TRABD2B: variants seen among roughly 807,000 people sequenced by gnomAD.
TRABD2B encodes TraB domain containing 2B, also known as metalloprotease TIKI2.
In TRABD2B, 14 loss-of-function variants were observed where a neutral mutation model predicts 40.1. That is an observed-to-expected ratio of 0.35 (90% CI 0.23 to 0.55). The LOEUF (loss-of-function observed/expected upper bound fraction) is 0.55, where lower values mean the gene tolerates loss of function less well. Ranked by LOEUF, TRABD2B falls within the 20% of genes least tolerant of loss-of-function variation. TRABD2B has a pLI of 0.90. For missense variants in TRABD2B, 541 were observed against 648.6 expected (o/e 0.83, Z 1.80); for synonymous variants, 263 against 277.0 (o/e 0.95, Z 0.50).
At chr1:47,954,582 A>T (rs543712106) in intron 2 of TRABD2B, among the ~76,000 whole-genome samples, 116 of 152,308 alleles carry the variant, frequency 7.6e-4, no homozygotes, top group African/African-American at 2.8e-3. Context: ...AGAGTTTTCA[A>T]GGAGAGACAA....
chr1:47,788,995 T>C (rs1170167039), intron 4 of TRABD2B, among the ~76,000 whole-genome samples: 1 of 152,128 alleles, frequency 6.6e-6, no homozygotes, highest in African/African-American at 2.4e-5. Context: ...AAGGGTAAAA[T>C]TGTAATTTTC....
At position 47,762,953 on chromosome 1, in the gene TRABD2B, G is replaced by A. The variant is rs933375759; in HGVS notation, c.*2949C>T. The A allele has an allele frequency of 2.0e-5, 3 of 152,214 alleles. No homozygotes were observed. The highest frequency in any genetic ancestry group is 7.2e-5 in the African/African-American group (3 of 41,456). 9.4% of individuals were successfully genotyped at this position (152,214 alleles called of 1,614,324 possible). On this transcript the variant is annotated 3_prime_UTR_variant, in exon 7 of 7. Coordinates refer to ENST00000606738, the MANE Select transcript of TRABD2B (RefSeq NM_001194986.2). Reference sequence around the variant, plus strand: ...CCTTAAGCAGATCACTTTACCTGCTGGGTCTCAGACCTTTCATCTTTCCTG... The same window carrying A: ...CCTTAAGCAGATCACTTTACCTGCTAGGTCTCAGACCTTTCATCTTTCCTG...
intron 6 of TRABD2B, among the ~76,000 whole-genome samples, chr1:47,772,547 G>A (rs991258221): frequency 6.6e-6 from 1 of 152,124 alleles, no homozygotes; most frequent in Non-Finnish European, 1.5e-5. Flanking sequence ...AGGACGACAG[G>A]TGCAAGATGA....
At chr1:47,920,223 T>C (rs1443313751) in intron 2 of TRABD2B, among the ~76,000 whole-genome samples, 2 of 152,220 alleles carry the variant, frequency 1.3e-5, no homozygotes, top group African/African-American at 2.4e-5. Context: ...ATAATTATTC[T>C]TGTACAGTGA....
intron 2 of TRABD2B, among the ~76,000 whole-genome samples, chr1:47,885,499 T>A (rs1411172023): frequency 1.6e-4 from 24 of 152,212 alleles, no homozygotes; most frequent in Admixed American, 1.4e-3. Flanking sequence ...GTGGAGCATC[T>A]TCTGAATGAA....
chr1:47,977,469 C>T (rs1645773187), intron 2 of TRABD2B, among the ~76,000 whole-genome samples: 1 of 152,102 alleles, frequency 6.6e-6, no homozygotes, highest in Non-Finnish European at 1.5e-5. Flanking sequence ...ACTAGGCACG[C>T]TGTTCATTTT....
chr1:47,768,947 C>T (rs1262290450), intron 6 of TRABD2B, among the ~76,000 whole-genome samples: 1 of 152,202 alleles, frequency 6.6e-6, no homozygotes, highest in Admixed American at 6.5e-5. Flanking sequence ...CTGAGACAGG[C>T]CAAGGAGCCG....
chr1:47,794,768 G>A lies in TRABD2B; in HGVS notation c.814-8C>T, dbSNP rs1644723950. ...GTTGATAAAGTTGGGCAGCTGCAAAGGCAAGACAGAGGCTGCCTTCAGTTT... is the reference window on the plus strand; with the variant it reads ...GTTGATAAAGTTGGGCAGCTGCAAAAGCAAGACAGAGGCTGCCTTCAGTTT... On this transcript the variant is annotated splice_region_variant and splice_polypyrimidine_tract_variant and intron_variant, in intron 3 of 6. Coordinates refer to ENST00000606738, the MANE Select transcript of TRABD2B (RefSeq NM_001194986.2). 1 of 1,488,432 alleles carries A rather than the reference G, an allele frequency of 6.7e-7. No homozygotes were observed. The highest frequency in any genetic ancestry group is 2.4e-5 in the Admixed American group (1 of 41,332). 92.2% of individuals were successfully genotyped at this position (1,488,432 alleles called of 1,614,324 possible). A position where few individuals can be genotyped will look rare whatever the true frequency, so the allele number is the denominator to read the frequency against.
rs1454384202 is a variant in TRABD2B at position 47,764,616 on chromosome 1, A to G, written c.*1286T>C. 1 of 152,186 alleles carries G rather than the reference A, an allele frequency of 6.6e-6. No individual in the cohort carries two copies. The highest frequency in any genetic ancestry group is 1.5e-5 in the Non-Finnish European group (1 of 68,036). 9.4% of individuals were successfully genotyped at this position (152,186 alleles called of 1,614,324 possible). A position where few individuals can be genotyped will look rare whatever the true frequency, so the allele number is the denominator to read the frequency against. On this transcript the variant is annotated 3_prime_UTR_variant, in exon 7 of 7. Transcript: ENST00000606738. The stretch of plus-strand genomic sequence containing the variant: ...AGTCAGGACATGCGACACATGGCAC[A>G]TGCAGTTGCCAGAGCCCTTTGGCCA...
intron 2 of TRABD2B, among the ~76,000 whole-genome samples, chr1:47,808,982 G>T (rs1364321412): frequency 6.6e-6 from 1 of 152,100 alleles, no homozygotes; most frequent in Non-Finnish European, 1.5e-5. Flanking sequence ...CCTTGCTAAG[G>T]TAACCTCACC....
At chr1:47,984,641 C>T (rs925789241) in intron 2 of TRABD2B, among the ~76,000 whole-genome samples, 1 of 152,192 alleles carries the variant, frequency 6.6e-6, no homozygotes, top group South Asian at 2.1e-4. Context: ...ACTCGCGCCC[C>T]GTCCTCTAGC....
chr1:47,963,378 A>G (rs1645550676), intron 2 of TRABD2B, among the ~76,000 whole-genome samples: 1 of 152,316 alleles, frequency 6.6e-6, no homozygotes, highest in East Asian at 1.9e-4. Context: ...ATCAGAGCCC[A>G]TCCCTCTTGA....
intron 2 of TRABD2B, among the ~76,000 whole-genome samples, chr1:47,886,778 G>A (rs539038081): frequency 8.8e-4 from 134 of 152,314 alleles, no homozygotes; most frequent in African/African-American, 3.0e-3. Flanking sequence ...GGTCTAGGGG[G>A]AATTTTAACT....
At chr1:47,832,517 T>C (rs934910793) in intron 2 of TRABD2B, among the ~76,000 whole-genome samples, 23 of 152,182 alleles carry the variant, frequency 1.5e-4, no homozygotes, top group Non-Finnish European at 3.1e-4. Flanking sequence ...TGTTAGTGGA[T>C]AACTAATAGG....
intron 2 of TRABD2B, among the ~76,000 whole-genome samples, chr1:47,968,611 A>G (rs1398173698): frequency 6.6e-6 from 1 of 152,078 alleles, no homozygotes; most frequent in Non-Finnish European, 1.5e-5. Flanking sequence ...TCAACCACTC[A>G]CCATGTATGA....
chr1:47,851,051 G>C (rs1553158317), intron 2 of TRABD2B, among the ~76,000 whole-genome samples: 1 of 152,142 alleles, frequency 6.6e-6, no homozygotes, highest in Non-Finnish European at 1.5e-5. Flanking sequence ...ACCTCCTGCT[G>C]TGTGGCCTGG....
At chr1:47,906,235 G>A (rs776515058) in intron 2 of TRABD2B, among the ~76,000 whole-genome samples, 2 of 152,180 alleles carry the variant, frequency 1.3e-5, no homozygotes, top group Non-Finnish European at 2.9e-5. Context: ...ACAGGGCTTC[G>A]TGCTTTGAAT....
chr1:47,804,604 C>A (rs1331082185), intron 2 of TRABD2B, among the ~76,000 whole-genome samples: 1 of 152,204 alleles, frequency 6.6e-6, no homozygotes, highest in Non-Finnish European at 1.5e-5. Context: ...CACAGAGTTG[C>A]TTCTGCAATC....
chr1:47,815,523 C>G (rs966247470), intron 2 of TRABD2B, among the ~76,000 whole-genome samples: 1 of 152,192 alleles, frequency 6.6e-6, no homozygotes, highest in Admixed American at 6.5e-5. Flanking sequence ...CAGGGACCCA[C>G]CAGGTCAGAA....
Sources: gnomAD v4.1 joint callset for allele counts (sites outside exome capture counted in the v4.1 genomes callset) on GRCh38, gnomAD v4.1.1 for gene constraint, MANE v1.5 for transcripts, NCBI Gene and HGNC (gene_info 2026-07-23, HGNC 2026-07-21) for gene names.